Variants in SCN4A observed in about 807,000 individuals in gnomAD.
SCN4A encodes the protein sodium voltage-gated channel alpha subunit 4.
In SCN4A, 83 loss-of-function variants were observed where a neutral mutation model predicts 162.0. The ratio of observed to expected loss-of-function variants is 0.51; its 90% CI spans 0.43 to 0.61. The LOEUF is 0.61. Ranked by LOEUF, SCN4A falls within the 20% of genes least tolerant of loss-of-function variation. The pLI is 0.00. For missense variants in SCN4A, 2,196 were observed against 2,462.5 expected (o/e 0.89, Z 2.29); for synonymous variants, 944 against 985.1 (o/e 0.96, Z 0.78).
chr17:63,968,410 AGCCCCCGCGGCCCCCACC>A, intron 5 of SCN4A, 55 bp from the exon 6 acceptor site: 6 of 1,460,558 alleles, frequency 4.1e-6, no homozygotes, highest in Non-Finnish European at 5.6e-6. Context: ...GTGATAACAG[AGCCCCCGCGGCCCCCACC>A]GCCAAGCTTT....
At position 63,950,592 on chromosome 17, in the gene SCN4A, G is replaced by C. The variant is rs1373939504; in HGVS notation, c.2853+832C>G. 6.6e-6 allele frequency among the ~76,000 whole-genome samples: 1 copy of C among 152,190 alleles called. No homozygotes were observed. The highest frequency in any genetic ancestry group is 1.5e-5 in the Non-Finnish European group (1 of 68,030). On this transcript the variant is annotated intron_variant, in intron 14 of 23. Transcript: ENST00000435607. This position sits in a 1 kb window ranked among gnomAD's most constrained non-coding sequence, Gnocchi z 4.6. ...AGCCAGCATATTTGGGGGGAATAAG[G>C]AGTCAAAAGCTTTCAGGGCAAAGTT...
intron 23 of SCN4A, among the ~76,000 whole-genome samples, chr17:63,942,608 A>G (rs1261149252): frequency 6.6e-6 from 1 of 152,220 alleles, no homozygotes; most frequent in Non-Finnish European, 1.5e-5. Context: ...TCTTCTGGTC[A>G]GTTGTGTGTC....
At chr17:63,961,122 C>T in intron 11 of SCN4A, 71 bp downstream of exon 11, 1 of 1,019,048 alleles carries the variant, frequency 9.8e-7, no homozygotes, top group South Asian at 1.4e-5. Context: ...TACATACAGC[C>T]AGACAGCTCC....
chr17:63,941,661 G>T lies in SCN4A; in HGVS notation c.4621C>A (p.Leu1541Ile), dbSNP rs1908537581. The T allele has an allele frequency of 6.2e-7, 1 of 1,614,016 alleles. No homozygotes were observed. The highest frequency in any genetic ancestry group is 1.1e-5 in the South Asian group (1 of 91,088). The change falls in exon 24 of 24, where the codon CTC (leucine) becomes ATC (isoleucine). Residue 1541 changes from leucine (L) to isoleucine (I), a missense_variant. Leu to Ile is a conservative substitution (Grantham distance 5, BLOSUM62 2). Transcript: ENST00000435607. This position sits in a 1 kb window ranked among gnomAD's most constrained non-coding sequence, Gnocchi z 6.2. Reference sequence around the variant, plus strand: ...CCGCTGTTGAGGATGGGGTTGAGGAGCCCGTCCCAGCCGGCCGACGTGGTG... The same window carrying T: ...CCGCTGTTGAGGATGGGGTTGAGGATCCCGTCCCAGCCGGCCGACGTGGTG... ...EITTSAGWDG[L>I]LNPILNSGPP...
intron 6 of SCN4A, 24 bp downstream of exon 6, chr17:63,967,999 G>T (rs754586208): frequency 2.0e-5 from 31 of 1,588,672 alleles, no homozygotes; most frequent in Non-Finnish European, 1.6e-5. Context: ...GATCCCCCTT[G>T]CCCGTCACCC....
At position 63,950,222 on chromosome 17, in the gene SCN4A, G is replaced by T. The variant is rs1908864362; in HGVS notation, c.2854-694C>A. On this transcript the variant is annotated intron_variant, in intron 14 of 23. Transcript: ENST00000435607. The surrounding 1 kb of genome is among the most constrained non-coding windows in gnomAD (Gnocchi z 4.6). ...GGCCTCTGAAGAGAAGGAAGAAGAG[G>T]GCAACTTGGGGGGCAGCTCTGTATC... Among the ~76,000 whole-genome samples, 1 of 152,098 alleles carries T rather than the reference G, an allele frequency of 6.6e-6. No individual in the cohort carries two copies. The highest frequency in any genetic ancestry group is 1.5e-5 in the Non-Finnish European group (1 of 68,008).
chr17:63,940,630 G>A lies in SCN4A; in HGVS notation c.*141C>T, dbSNP rs146624240. On this transcript the variant is annotated 3_prime_UTR_variant, in exon 24 of 24. Transcript: ENST00000435607. ...CGCTCGGGCCTGGGTGTCAGCCCCA[G>A]TGTGGCCAAATCCTGTCCCCCATCA... 1 of 1,061,838 alleles carries A rather than the reference G, an allele frequency of 9.4e-7. No individual in the cohort carries two copies. The highest frequency in any genetic ancestry group is 1.6e-5 in the African/African-American group (1 of 61,090). 65.8% of individuals were successfully genotyped at this position (1,061,838 alleles called of 1,614,324 possible). A position where few individuals can be genotyped will look rare whatever the true frequency, so the allele number is the denominator to read the frequency against.
At position 63,944,014 on chromosome 17, in the gene SCN4A, C is replaced by A. The variant is rs11869827; in HGVS notation, c.3913-164G>T. On this transcript the variant is annotated intron_variant, in intron 21 of 23. Coordinates refer to ENST00000435607, the MANE Select transcript of SCN4A (RefSeq NM_000334.4). This position sits in a 1 kb window ranked among gnomAD's most constrained non-coding sequence, Gnocchi z 4.3. ...GAGATGGAGGGACAAGGGGAGAATG[C>A]GGGACCGAGGAGAAGGGAGGGAAGG... Among the ~76,000 whole-genome samples, 2 of 151,926 alleles carry A rather than the reference C, an allele frequency of 1.3e-5. No homozygotes were observed. Among genetic ancestry groups the A allele is most frequent in the African/African-American group, 2.4e-5 (1 of 41,360 alleles).
chr17:63,944,894 C>T lies in SCN4A; in HGVS notation c.3775-84G>A, dbSNP rs546109203. ...CACAGCCCTGAGGGCAGGACCCATC[C>T]ACCCCCAGGGCTGCCAAGTCTCGGG... is the stretch of plus-strand genomic sequence containing the variant. On this transcript the variant is annotated intron_variant, in intron 20 of 23. Transcript: ENST00000435607. This position sits in a 1 kb window ranked among gnomAD's most constrained non-coding sequence, Gnocchi z 4.3. 6.3e-7 allele frequency: 1 copy of T among 1,593,618 alleles called. No individual in the cohort carries two copies. Among genetic ancestry groups the T allele is most frequent in the Non-Finnish European group, 8.6e-7 (1 of 1,167,474 alleles).
At chr17:63,969,409 A>G (rs569235047) in intron 5 of SCN4A, among the ~76,000 whole-genome samples, 12 of 152,166 alleles carry the variant, frequency 7.9e-5, no homozygotes, top group Admixed American at 2.0e-4. Flanking sequence ...TCCTTTTCTT[A>G]TCCTGATATG....
rs186181122 is a variant in SCN4A at position 63,941,680 on chromosome 17, C to T, written c.4602G>A (p.Thr1534=). The change falls in exon 24 of 24, where the codon ACG becomes ACA. Residue 1534 remains threonine (T), a synonymous_variant. Coordinates refer to ENST00000435607, the MANE Select transcript of SCN4A (RefSeq NM_000334.4). The surrounding 1 kb of genome is among the most constrained non-coding windows in gnomAD (Gnocchi z 6.2). ...NSIICLFEIT[T]SAGWDGLLNP... ...TGAGGAGCCCGTCCCAGCCGGCCGA[C>T]GTGGTGATCTCGAACAGGCAGATGA... 69 of 1,614,110 alleles carry T rather than the reference C, an allele frequency of 4.3e-5. No homozygotes were observed. The Middle Eastern group carries it at 6.6e-4, about 15-fold the overall frequency.
chr17:63,947,255 G>T, intron 17 of SCN4A, 88 bp from the exon 18 acceptor site: 1 of 1,528,242 alleles, frequency 6.5e-7, no homozygotes, highest in Non-Finnish European at 9.0e-7. Flanking sequence ...TGGACTCACA[G>T]CTCCTGGTTG....
chr17:63,959,046 G>A (rs1002730373), intron 12 of SCN4A, among the ~76,000 whole-genome samples: 1 of 152,126 alleles, frequency 6.6e-6, no homozygotes, highest in Non-Finnish European at 1.5e-5. Context: ...CTGTCACTTG[G>A]GTCCCCCCAG....
At position 63,945,552 on chromosome 17, in the gene SCN4A, G is replaced by A; in HGVS notation, c.3528C>T (p.Ile1176=). 6.2e-7 allele frequency: 1 copy of A among 1,614,030 alleles called. No homozygotes were observed. Residue 1176 remains isoleucine, a synonymous_variant, in exon 19 of 24, where the codon ATC becomes ATT. Transcript: ENST00000435607. This position sits in a 1 kb window ranked among gnomAD's most constrained non-coding sequence, Gnocchi z 4.4. The part of the protein sequence containing the change: ...VCLIFWLIFS[I]MGVNLFAGKF... ...TGCCGGCAAACAGGTTGACACCCAT[G>A]ATGCTGAAGATCAGCCAGAAGATGA...
Position 63,972,036 on chromosome 17 carries a change from G to A in SCN4A, c.482+100C>T. 9.2e-7 allele frequency: 1 copy of A among 1,091,132 alleles called. No individual in the cohort carries two copies. Among genetic ancestry groups the A allele is most frequent in the African/African-American group, 1.5e-5 (1 of 64,624 alleles). 67.6% of individuals were successfully genotyped at this position (1,091,132 alleles called of 1,614,324 possible). On this transcript the variant is annotated intron_variant, in intron 3 of 23. Transcript: ENST00000435607. This position sits in a 1 kb window ranked among gnomAD's most constrained non-coding sequence, Gnocchi z 4.3. ...TGTGGATGAGGGTCACAATGACAGTGTGTCTCCCTGAAAGACAAGAGCAGC... is the reference window on the plus strand; with the variant it reads ...TGTGGATGAGGGTCACAATGACAGTATGTCTCCCTGAAAGACAAGAGCAGC...
At position 63,971,847 on chromosome 17, in the gene SCN4A, G is replaced by A. The variant is rs774616979; in HGVS notation, c.486C>T (p.Tyr162=). The change falls in exon 4 of 24, where the codon TAC becomes TAT. Residue 162 remains tyrosine, a synonymous_variant. Transcript: ENST00000435607. ...DPPPWSKNVE[Y]TFTGIYTFES... is the part of the protein sequence containing the mutation. Reference sequence around the variant, plus strand: ...CAAAGGTGTAGATCCCTGTGAAGGTGTACCTGGGGGGGAGAGGGCCGGCCG... The same window carrying A: ...CAAAGGTGTAGATCCCTGTGAAGGTATACCTGGGGGGGAGAGGGCCGGCCG... 2 of 1,572,858 alleles carry A rather than the reference G, an allele frequency of 1.3e-6. No individual in the cohort carries two copies. The highest frequency in any genetic ancestry group is 3.0e-5 in the African/African-American group (2 of 65,686).
At position 63,941,100 on chromosome 17, in the gene SCN4A, C is replaced by T; in HGVS notation, c.5182G>A (p.Glu1728Lys). The T allele has an allele frequency of 1.2e-6, 2 of 1,613,976 alleles. No individual in the cohort carries two copies. The highest frequency in any genetic ancestry group is 1.7e-6 in the Non-Finnish European group (2 of 1,179,866). Residue 1728 changes from glutamate (E) to lysine (K), a missense_variant, in exon 24 of 24, where the codon GAG becomes AAG. Physicochemically the swap from Glu to Lys is moderately conservative, Grantham distance 56 (BLOSUM62 1). Coordinates refer to ENST00000435607, the MANE Select transcript of SCN4A (RefSeq NM_000334.4). This position sits in a 1 kb window ranked among gnomAD's most constrained non-coding sequence, Gnocchi z 6.2. ...CTCTGGATCTTGATGGCGCACACCT[C>T]CTCGTGCTTCCTCTTGAGGGTGGTG... is the stretch of plus-strand genomic sequence containing the variant. ...ITTTLKRKHE[E>K]VCAIKIQRAY... is the part of the protein sequence containing the mutation.
chr17:63,951,555 C>T lies in SCN4A; in HGVS notation c.2722G>A (p.Glu908Lys), dbSNP rs117664682. 1.6e-3 allele frequency: 2,515 copies of T among 1,613,898 alleles called. 27 individuals are homozygous for T. The Admixed American group carries it at 0.025, about 16-fold the overall frequency. Residue 908 changes from glutamate (E) to lysine (K), a missense_variant, in exon 14 of 24, where the codon GAG becomes AAG. Physicochemically the swap from Glu to Lys is moderately conservative, Grantham distance 56. Transcript: ENST00000435607. The surrounding 1 kb of genome is among the most constrained non-coding windows in gnomAD (Gnocchi z 4.5). ...TTGATGAAGTTAAGGTGGTCCAGCT[C>T]GAGGCTGGATGGGGGGCCGTCAGCC... Reference protein sequence around the residue: ...GLADGPPSSLELDHLNFINNP... With the variant: ...GLADGPPSSLKLDHLNFINNP...
At chr17:63,957,661 A>G (rs943706847) in intron 12 of SCN4A, 143 bp from the exon 13 acceptor site, 87 of 621,236 alleles carry the variant, frequency 1.4e-4, no homozygotes, top group Non-Finnish European at 1.4e-4. Flanking sequence ...CCCTTCTGCT[A>G]AATGGGAACA....
Sources: gnomAD v4.1 joint callset for allele counts (sites outside exome capture counted in the v4.1 genomes callset) on GRCh38, gnomAD v4.1.1 for gene constraint, Gnocchi (gnomAD v3.1) non-coding constraint, MANE v1.5 for transcripts, NCBI Gene and HGNC (gene_info 2026-07-23, HGNC 2026-07-21) for gene names.